Variants in SOX5 observed in about 807,000 individuals in gnomAD.
SOX5 encodes transcription factor SOX-5.
A neutral mutation model predicts 92.0 loss-of-function variants in SOX5; 9 were observed. That is an observed-to-expected ratio of 0.10 (90% CI 0.06 to 0.17). The LOEUF (loss-of-function observed/expected upper bound fraction) is 0.17, where lower values mean the gene tolerates loss of function less well. Among genes scored for constraint, SOX5 ranks in the 10% least tolerant of loss-of-function variants. The pLI, the probability that SOX5 is intolerant of heterozygous loss-of-function variation, is 1.00. For missense variants in SOX5, 642 were observed against 944.5 expected, an observed-to-expected ratio of 0.68 and a Z score of 4.20; for synonymous variants, 344 against 336.3, an observed-to-expected ratio of 1.02 and a Z score of -0.25.
At chr12:23,573,272 A>G (rs11046980) in intron 10 of SOX5, among the ~76,000 whole-genome samples, 50,887 of 151,968 alleles carry the variant, frequency 0.33, 8,830 homozygotes, top group Non-Finnish European at 0.39. Context: ...TTAGAAAAAG[A>G]TGAGTTTATA....
intron 3 of SOX5, among the ~76,000 whole-genome samples, chr12:23,793,449 C>T (rs1299183889): frequency 6.6e-6 from 1 of 151,928 alleles, no homozygotes; most frequent in East Asian, 1.9e-4. Flanking sequence ...AGTACCCAAC[C>T]CTAAAGAGTA....
chr12:23,930,559 A>C (rs1941169704), intron 1 of SOX5, among the ~76,000 whole-genome samples: 1 of 151,738 alleles, frequency 6.6e-6, no homozygotes, highest in South Asian at 2.1e-4. Context: ...GACTTAGTAC[A>C]TGCTGAATCC....
intron 1 of SOX5, among the ~76,000 whole-genome samples, chr12:24,412,994 A>T (rs533150655): frequency 2.0e-5 from 3 of 152,086 alleles, no homozygotes; most frequent in Admixed American, 2.0e-4. Context: ...TGACCTCGTG[A>T]TCCACCCACC....
At chr12:23,838,854 G>GGT (rs2096473656) in intron 3 of SOX5, among the ~76,000 whole-genome samples, 1 of 93,544 alleles carries the variant, frequency 1.1e-5, no homozygotes, top group Non-Finnish European at 2.2e-5. Flanking sequence ...GGGGGGGGGG[G>GGT]GCGGGGATGG....
intron 1 of SOX5, among the ~76,000 whole-genome samples, chr12:24,518,257 CG>C (rs1566369666): frequency 6.6e-6 from 1 of 151,798 alleles, no homozygotes. Context: ...TTAGTAGAAA[CG>C]GGGTTTCACC....
chr12:24,183,587 T>C (rs1955723287), intron 4 of SOX5, among the ~76,000 whole-genome samples: 3 of 152,184 alleles, frequency 2.0e-5, no homozygotes, highest in Admixed American at 2.0e-4. Flanking sequence ...TTAATTATTT[T>C]AGATTGAAAG....
chr12:23,673,244 T>C (rs2085087024), intron 6 of SOX5, among the ~76,000 whole-genome samples: 1 of 152,190 alleles, frequency 6.6e-6, no homozygotes, highest in Admixed American at 6.5e-5. Context: ...GTTATTATTC[T>C]AATATATAGC....
intron 2 of SOX5, among the ~76,000 whole-genome samples, chr12:24,302,149 G>A (rs1448846166): frequency 6.6e-6 from 1 of 152,032 alleles, no homozygotes; most frequent in African/African-American, 2.4e-5. Flanking sequence ...CCAAATACAA[G>A]AAGATTCAGA....
At chr12:23,922,890 G>C (rs1938751379) in intron 1 of SOX5, among the ~76,000 whole-genome samples, 1 of 151,888 alleles carries the variant, frequency 6.6e-6, no homozygotes, top group South Asian at 2.1e-4. Flanking sequence ...AGAAGATTCT[G>C]TGCGAATCCC....
intron 9 of SOX5, chr12:23,603,811 A>G (rs1236653079): frequency 1.3e-5 from 2 of 152,144 alleles, no homozygotes; most frequent in Admixed American, 6.6e-5. Context: ...TCATTTCCTT[A>G]CATGATAATC....
At chr12:23,870,864 GT>G (rs1240910113) in intron 2 of SOX5, among the ~76,000 whole-genome samples, 1 of 151,658 alleles carries the variant, frequency 6.6e-6, no homozygotes, top group African/African-American at 2.4e-5. Flanking sequence ...CTATGATGTA[GT>G]TTTTTTTCTT....
chr12:23,718,669 AAAC>A (rs1277510564), intron 6 of SOX5, among the ~76,000 whole-genome samples: 1 of 152,190 alleles, frequency 6.6e-6, no homozygotes, highest in Non-Finnish European at 1.5e-5. Flanking sequence ...AAACCTTATA[AAAC>A]AACAAATTGA....
chr12:23,556,344 G>T (rs980432808), intron 11 of SOX5, among the ~76,000 whole-genome samples: 2 of 152,000 alleles, frequency 1.3e-5, no homozygotes, highest in African/African-American at 4.8e-5. Context: ...TCAACTTCAG[G>T]TTTTGTGTAT....
At chr12:23,702,454 A>G (rs2090791030) in intron 6 of SOX5, among the ~76,000 whole-genome samples, 1 of 152,002 alleles carries the variant, frequency 6.6e-6, no homozygotes. Context: ...ACGTGAACCA[A>G]ATGAAGCTAT....
At chr12:23,894,563 T>C (rs1490591563) in intron 2 of SOX5, among the ~76,000 whole-genome samples, 2 of 152,086 alleles carry the variant, frequency 1.3e-5, no homozygotes, top group African/African-American at 4.8e-5. Flanking sequence ...CTTGGAATTG[T>C]CAAATGCCCA....
At chr12:24,106,791 AAAT>A (rs56341402) in intron 4 of SOX5, among the ~76,000 whole-genome samples, 26,474 of 137,134 alleles carry the variant, frequency 0.19, 2,638 homozygotes, top group Non-Finnish European at 0.22. Context: ...GACTCGTCTC[AAAT>A]AATAATAATA....
chr12:23,570,971 ATATATATATATATT>A (rs1297840542), intron 10 of SOX5, among the ~76,000 whole-genome samples: 7 of 81,072 alleles, frequency 8.6e-5, no homozygotes, highest in Non-Finnish European at 1.6e-4. Context: ...ATATATATAT[ATATATATATATATT>A]TTCATATTTT....
At chr12:23,923,558 CAT>C (rs941086496) in intron 1 of SOX5, among the ~76,000 whole-genome samples, 15 of 152,240 alleles carry the variant, frequency 9.9e-5, no homozygotes, top group African/African-American at 2.2e-4. Context: ...AGAGTTATCA[CAT>C]GTCATTAAAT....
intron 6 of SOX5, among the ~76,000 whole-genome samples, chr12:23,676,877 T>C (rs1274880571): frequency 6.6e-6 from 1 of 152,192 alleles, no homozygotes; most frequent in Admixed American, 6.5e-5. Context: ...TTTGTGTCTG[T>C]CTCCATGGCT....
Sources: gnomAD v4.1 joint callset for allele counts (sites outside exome capture counted in the v4.1 genomes callset) on GRCh38, gnomAD v4.1.1 for gene constraint, MANE v1.5 for transcripts, NCBI Gene and HGNC (gene_info 2026-07-23, HGNC 2026-07-21) for gene names.